The following SYNE1 variants were observed in gnomAD, a reference collection of about 807,000 sequenced individuals.
The protein encoded by SYNE1 is spectrin repeat containing nuclear envelope protein 1, also known as nesprin-1.
SYNE1 carries 616 observed loss-of-function variants against 1,111.0 expected under a neutral mutation model. The ratio of observed to expected loss-of-function variants is 0.55; its 90% CI spans 0.52 to 0.59. SYNE1 has a LOEUF of 0.59. Among genes scored for constraint, SYNE1 ranks in the 20% least tolerant of loss-of-function variants. The probability of loss-of-function intolerance (pLI) is 0.00; values close to 1 mark genes in which losing one functional copy is unlikely to be tolerated. For synonymous variants in SYNE1, 3,855 were observed against 3,825.8 expected, an observed-to-expected ratio of 1.01 and a Z score of -0.28; for missense variants, 10,006 against 10,417.0, an observed-to-expected ratio of 0.96 and a Z score of 1.72.
At chr6:152,310,116 T>A in intron 89 of SYNE1, 99 bp from the exon 90 acceptor site, 1 of 1,309,052 alleles carries the variant, frequency 7.6e-7, no homozygotes, top group Admixed American at 3.1e-5. Flanking sequence ...GTTATAAACA[T>A]TTTGCAAAAA....
intron 51 of SYNE1, among the ~76,000 whole-genome samples, chr6:152,393,045 A>G (rs1406746007): frequency 6.6e-6 from 1 of 152,222 alleles, no homozygotes. Context: ...TGTCTGCAGA[A>G]GTGGCCAGGA....
At chr6:152,177,364 T>C (rs1260730080) in intron 129 of SYNE1, among the ~76,000 whole-genome samples, 1 of 152,186 alleles carries the variant, frequency 6.6e-6, no homozygotes, top group Non-Finnish European at 1.5e-5. Flanking sequence ...ACCCTCTTAC[T>C]CTCTTGCCAC....
At chr6:152,283,452 GAGTC>G (rs2094145484) in intron 96 of SYNE1, among the ~76,000 whole-genome samples, 1 of 152,210 alleles carries the variant, frequency 6.6e-6, no homozygotes, top group Non-Finnish European at 1.5e-5. Context: ...CGCCTGAAAT[GAGTC>G]AGAAAGGAGT....
chr6:152,542,291 C>T (rs1233596183), intron 3 of SYNE1, among the ~76,000 whole-genome samples: 1 of 152,062 alleles, frequency 6.6e-6, no homozygotes, highest in Non-Finnish European at 1.5e-5. Context: ...AAATACAAAA[C>T]CTTTTAATTT....
chr6:152,195,404 A>G (rs1370280696), intron 127 of SYNE1, among the ~76,000 whole-genome samples: 1 of 152,178 alleles, frequency 6.6e-6, no homozygotes, highest in Non-Finnish European at 1.5e-5. Context: ...TTGTAGTTGT[A>G]GTCGGGACTT....
At chr6:152,166,331 T>C (rs868669399) in intron 130 of SYNE1, among the ~76,000 whole-genome samples, 45 of 152,236 alleles carry the variant, frequency 3.0e-4, no homozygotes, top group Middle Eastern at 3.2e-3. Flanking sequence ...ATAATGAATA[T>C]TCTAAGCGAA....
chr6:152,289,306 T>A (rs1392497142), intron 95 of SYNE1, among the ~76,000 whole-genome samples: 1 of 152,214 alleles, frequency 6.6e-6, no homozygotes, highest in Non-Finnish European at 1.5e-5. Context: ...AGAAGTTCCA[T>A]GAGCTTCTCT....
At chr6:152,401,439 C>A in intron 46 of SYNE1, 98 bp from the exon 47 acceptor site, 1 of 1,218,268 alleles carries the variant, frequency 8.2e-7, no homozygotes, top group South Asian at 1.3e-5. Flanking sequence ...GTCAAAGCCA[C>A]ACAAGTCTCA....
Position 152,325,088 on chromosome 6 carries a change from T to C in SYNE1, c.15653A>G (p.Asn5218Ser). The C allele has an allele frequency of 6.2e-7, 1 of 1,613,960 alleles. No homozygotes were observed. The highest frequency in any genetic ancestry group is 8.5e-7 in the Non-Finnish European group (1 of 1,180,030). ...DAVDEWTGFNNKVKKATEMID... is the reference protein window; with the variant it reads ...DAVDEWTGFNSKVKKATEMID... Reference sequence around the variant, plus strand: ...CCCATGGACAGTGGAAACTACCTTGTTGTTAAAGCCCGTCCACTCATCCAC... The same window carrying C: ...CCCATGGACAGTGGAAACTACCTTGCTGTTAAAGCCCGTCCACTCATCCAC... Residue 5218 changes from asparagine to serine, a missense_variant, in exon 81 of 146, where the codon AAC (asparagine) becomes AGC (serine). Transcript: ENST00000367255.
intron 8 of SYNE1, among the ~76,000 whole-genome samples, chr6:152,508,382 C>G (rs186548036): frequency 3.0e-4 from 45 of 152,308 alleles, no homozygotes; most frequent in Non-Finnish European, 1.2e-4. Flanking sequence ...ACTGATGTTA[C>G]CAACATATAA....
rs1343707628 is a variant in SYNE1 at position 152,330,441 on chromosome 6, C to T, written c.14244G>A (p.Gln4748=). Residue 4748 remains glutamine (Q), a synonymous_variant, in exon 78 of 146, where the codon CAG becomes CAA. Coordinates refer to ENST00000367255, the MANE Select transcript of SYNE1 (RefSeq NM_182961.4). ...TGACAAGGTGCAGCATCTTGTCTGGCTGCCAAGGCTGACCTGTGCTGCGAA... is the reference window on the plus strand; with the variant it reads ...TGACAAGGTGCAGCATCTTGTCTGGTTGCCAAGGCTGACCTGTGCTGCGAA... ...EGFRSTGQPW[Q]PDKMLHLVTL... 2 of 1,614,034 alleles carry T rather than the reference C, an allele frequency of 1.2e-6. No homozygotes were observed. Among genetic ancestry groups the T allele is most frequent in the East Asian group, 2.2e-5 (1 of 44,896 alleles).
chr6:152,419,873 C>G (rs2098226703), intron 39 of SYNE1, 151 bp from the exon 40 acceptor site: 5 of 786,472 alleles, frequency 6.4e-6, no homozygotes, highest in South Asian at 5.1e-5. Context: ...CTTCCCAAAC[C>G]CTGCTTTACT....
At chr6:152,271,341 A>C (rs1019536323) in intron 98 of SYNE1, among the ~76,000 whole-genome samples, 2 of 152,232 alleles carry the variant, frequency 1.3e-5, no homozygotes, top group Non-Finnish European at 1.5e-5. Flanking sequence ...AAAAACCTGT[A>C]GGTAATAGTA....
At chr6:152,299,276 G>T (rs1251902376) in intron 93 of SYNE1, among the ~76,000 whole-genome samples, 1 of 152,100 alleles carries the variant, frequency 6.6e-6, no homozygotes, top group East Asian at 1.9e-4. Context: ...ATAATAATCA[G>T]CCGACTATAG....
intron 106 of SYNE1, 118 bp from the exon 107 acceptor site, chr6:152,242,558 G>C (rs866552129): frequency 1.1e-5 from 12 of 1,060,422 alleles, no homozygotes; most frequent in Middle Eastern, 5.5e-4. Context: ...CTTCAGGGAT[G>C]TGCCTCCTGG....
chr6:152,430,380 T>C, intron 35 of SYNE1, 102 bp downstream of exon 35: 1 of 1,208,922 alleles, frequency 8.3e-7, no homozygotes, highest in Non-Finnish European at 1.2e-6. Flanking sequence ...TTTCACAAAT[T>C]ATGTCTTTCT....
intron 126 of SYNE1, among the ~76,000 whole-genome samples, chr6:152,205,794 T>C (rs2076394873): frequency 6.6e-6 from 1 of 152,220 alleles, no homozygotes; most frequent in Non-Finnish European, 1.5e-5. Flanking sequence ...AAAGAAGAGA[T>C]ACCAATCTTG....
chr6:152,401,371 C>G (rs1242131073), intron 46 of SYNE1, 30 bp from the exon 47 acceptor site: 1 of 1,596,680 alleles, frequency 6.3e-7, no homozygotes, highest in African/African-American at 1.3e-5. Context: ...TCATCAATAT[C>G]TCTGAAGACC....
intron 104 of SYNE1, among the ~76,000 whole-genome samples, chr6:152,253,486 AG>A (rs1355986179): frequency 3.3e-5 from 5 of 152,166 alleles, no homozygotes; most frequent in Non-Finnish European, 7.4e-5. Flanking sequence ...GAGGATACCA[AG>A]GTTCATGGAA....
Sources: allele counts gnomAD v4.1 joint callset (sites outside exome capture counted in the v4.1 genomes callset), GRCh38; gene constraint gnomAD v4.1.1; transcripts MANE v1.5; gene names NCBI Gene and HGNC (gene_info 2026-07-23, HGNC 2026-07-21).